COL14A1: variants seen among roughly 807,000 people sequenced by gnomAD.
COL14A1 encodes collagen type XIV alpha 1 chain, also known as collagen alpha-1(XIV) chain.
Under a neutral mutation model 230.3 loss-of-function variants are expected in COL14A1, and 136 were observed. The observed-to-expected ratio is 0.59, with a 90% CI of 0.51 to 0.68. The LOEUF is 0.68. COL14A1 is among the 30% of genes least tolerant of loss of function. The pLI is 0.00. For synonymous variants in COL14A1, 792 were observed against 784.1 expected (o/e 1.01, Z -0.17); for missense variants, 1,976 against 2,215.8 (o/e 0.89, Z 2.17).
chr8:120,324,338 G>A (rs1371060028), intron 40 of COL14A1, among the ~76,000 whole-genome samples: 4 of 152,164 alleles, frequency 2.6e-5, no homozygotes, highest in Admixed American at 2.6e-4. Context: ...TTTTTAATGT[G>A]TGTGTGTGCA....
In COL14A1 at chr8:120,250,622, G is replaced by T. The variant is rs776711515; in HGVS notation, c.2608G>T (p.Gly870Cys). The T allele has an allele frequency of 5.6e-6, 9 of 1,613,916 alleles. No individual in the cohort carries two copies. Among genetic ancestry groups the T allele is most frequent in the Non-Finnish European group, 7.6e-6 (9 of 1,179,978 alleles). The change falls in exon 22 of 48, where the codon GGT becomes TGT. Residue 870 changes from glycine (G) to cysteine (C), a missense_variant. Gly to Cys is a radical substitution (Grantham distance 159). This residue lies in a region of COL14A1 where 1,791 missense variants were observed against 2,019.5 expected (regional missense o/e 0.89). Coordinates refer to ENST00000297848, the MANE Select transcript of COL14A1 (RefSeq NM_021110.4). ...ATATCCTCTTTCTTCTTTAGTTCCT[G>T]GTCCAACACTGGAAACGTTTGTGGG... is the stretch of plus-strand genomic sequence containing the variant. ...RIVYKPVSVP[G>C]PTLETFVGAD... is the part of the protein sequence containing the mutation.
chr8:120,277,912 T>C, intron 26 of COL14A1, 199 bp from the exon 27 acceptor site: 1 of 370,440 alleles, frequency 2.7e-6, no homozygotes. Flanking sequence ...GAATCTAAAA[T>C]AAAATTTTTA....
chr8:120,361,773 A>G (rs1266970407), intron 45 of COL14A1, among the ~76,000 whole-genome samples: 1 of 152,176 alleles, frequency 6.6e-6, no homozygotes, highest in African/African-American at 2.4e-5. Flanking sequence ...GTGCTCCACA[A>G]ACAGCAGAGA....
At chr8:120,199,649 C>G in intron 8 of COL14A1, 83 bp downstream of exon 8, 1 of 1,415,194 alleles carries the variant, frequency 7.1e-7, no homozygotes. Context: ...AAATGCACTT[C>G]ACTGAAAGCC....
chr8:120,226,895 G>A (rs1818113841), intron 16 of COL14A1, 129 bp downstream of exon 16: 2 of 825,208 alleles, frequency 2.4e-6, no homozygotes, highest in Non-Finnish European at 3.6e-6. Flanking sequence ...ATGGCTTGGA[G>A]TTTTAGAAAT....
intron 42 of COL14A1, among the ~76,000 whole-genome samples, chr8:120,333,901 G>A (rs930865495): frequency 6.6e-6 from 1 of 152,144 alleles, no homozygotes; most frequent in Non-Finnish European, 1.5e-5. Flanking sequence ...GTTCTCTTCA[G>A]GACCTATGTG....
intron 40 of COL14A1, among the ~76,000 whole-genome samples, chr8:120,323,926 TG>T (rs1821559283): frequency 6.6e-6 from 1 of 152,214 alleles, no homozygotes; most frequent in South Asian, 2.1e-4. Context: ...TTAAGCAACA[TG>T]GATGGAGCTG....
chr8:120,239,988 T>C (rs1386107106), intron 19 of COL14A1, among the ~76,000 whole-genome samples: 1 of 152,096 alleles, frequency 6.6e-6, no homozygotes, highest in Admixed American at 6.6e-5. Context: ...TAATATTTAC[T>C]TTGGGTTGTC....
intron 40 of COL14A1, among the ~76,000 whole-genome samples, chr8:120,325,986 C>T (rs1051930978): frequency 6.6e-6 from 1 of 152,136 alleles, no homozygotes; most frequent in African/African-American, 2.4e-5. Context: ...AGAATTTGCC[C>T]ATTAATTTAC....
intron 26 of COL14A1, among the ~76,000 whole-genome samples, chr8:120,272,134 C>T (rs1279028120): frequency 6.6e-6 from 1 of 151,642 alleles, no homozygotes; most frequent in Non-Finnish European, 1.5e-5. Context: ...GATTAGGGTC[C>T]TATTTTTAGC....
At position 120,373,463 on chromosome 8, in the gene COL14A1, C is replaced by A. The variant is rs982288506; in HGVS notation, c.*2232C>A. ...ACATTGCCTGTAATAAAAGCTGATT[C>A]TGAAGTGCATTTTTCTTGACTTACT... On this transcript the variant is annotated 3_prime_UTR_variant, in exon 48 of 48. Coordinates refer to ENST00000297848, the MANE Select transcript of COL14A1 (RefSeq NM_021110.4). Among the ~76,000 whole-genome samples, 13 of 151,910 alleles carry A rather than the reference C, an allele frequency of 8.6e-5. No homozygotes were observed. Among genetic ancestry groups the A allele is most frequent in the African/African-American group, 2.7e-4 (11 of 41,422 alleles).
At chr8:120,370,370 T>G in intron 47 of COL14A1, 1 of 1,611,968 alleles carries the variant, frequency 6.2e-7, no homozygotes, top group Non-Finnish European at 8.5e-7. Flanking sequence ...AGCACTGAAG[T>G]GGAAATCCTC....
At position 120,371,542 on chromosome 8, in the gene COL14A1, T is replaced by C; in HGVS notation, c.*311T>C. 2.5e-6 allele frequency: 1 copy of C among 398,210 alleles called. No individual in the cohort carries two copies. The highest frequency in any genetic ancestry group is 4.4e-6 in the Non-Finnish European group (1 of 225,876). The allele number at this position is 398,210 out of a possible 1,614,324, so 24.7% of individuals were successfully genotyped here. A position where few individuals can be genotyped will look rare whatever the true frequency, so the allele number is the denominator to read the frequency against. Reference sequence around the variant, plus strand: ...GGGAAAAATAAATTGAACTCTGGAATCTTCTCTCTCAAGTCCTAAAATGAA... The same window carrying C: ...GGGAAAAATAAATTGAACTCTGGAACCTTCTCTCTCAAGTCCTAAAATGAA... On this transcript the variant is annotated 3_prime_UTR_variant, in exon 48 of 48. Coordinates refer to ENST00000297848, the MANE Select transcript of COL14A1 (RefSeq NM_021110.4).
chr8:120,230,521 C>A (rs1818234642), intron 18 of COL14A1, among the ~76,000 whole-genome samples: 1 of 151,994 alleles, frequency 6.6e-6, no homozygotes. Context: ...CCTTCCTGGC[C>A]TCAACCATAT....
chr8:120,153,558 G>T (rs1002415298), intron 2 of COL14A1, among the ~76,000 whole-genome samples: 6 of 152,136 alleles, frequency 3.9e-5, no homozygotes, highest in Admixed American at 6.5e-5. Flanking sequence ...CTGTTTAAAA[G>T]TCTTTTAAAA....
intron 28 of COL14A1, among the ~76,000 whole-genome samples, chr8:120,279,222 A>G (rs888991211): frequency 3.3e-5 from 5 of 152,118 alleles, no homozygotes; most frequent in African/African-American, 1.2e-4. Context: ...CCTAGATGAC[A>G]GGTTGATAGG....
chr8:120,141,156 G>T (rs1374130841), intron 1 of COL14A1, among the ~76,000 whole-genome samples: 1 of 152,132 alleles, frequency 6.6e-6, no homozygotes, highest in Non-Finnish European at 1.5e-5. Flanking sequence ...CTGTCCAAAA[G>T]TTTGGGGACT....
intron 40 of COL14A1, among the ~76,000 whole-genome samples, chr8:120,327,102 C>G (rs1821700515): frequency 6.6e-6 from 1 of 152,138 alleles, no homozygotes; most frequent in Non-Finnish European, 1.5e-5. Context: ...GAACCATTAT[C>G]TCTAAAAGTG....
At chr8:120,188,108 C>T (rs1469773609) in intron 5 of COL14A1, among the ~76,000 whole-genome samples, 1 of 146,206 alleles carries the variant, frequency 6.8e-6, no homozygotes, top group African/African-American at 2.5e-5. Flanking sequence ...TTTGAGATGG[C>T]GTCTCGTTCT....
Sources: allele counts gnomAD v4.1 joint callset (sites outside exome capture counted in the v4.1 genomes callset), GRCh38; gene constraint gnomAD v4.1.1; regional missense constraint gnomAD v4.1.1; transcripts MANE v1.5; gene names NCBI Gene and HGNC (gene_info 2026-07-23, HGNC 2026-07-21).